Variants in CREBBP observed in about 807,000 individuals in gnomAD.
The protein encoded by CREBBP is CREB-binding protein.
CREBBP carries 19 observed loss-of-function variants against 265.0 expected under a neutral mutation model. The observed-to-expected ratio is 0.07, with a 90% CI of 0.05 to 0.11. The LOEUF (loss-of-function observed/expected upper bound fraction) is 0.11, where lower values mean the gene tolerates loss of function less well. Ranked by LOEUF, CREBBP falls within the 10% of genes least tolerant of loss-of-function variation. The pLI is 1.00. For missense variants in CREBBP, 2,525 were observed against 3,219.0 expected, an observed-to-expected ratio of 0.78 and a Z score of 5.22; for synonymous variants, 1,457 against 1,223.7, an observed-to-expected ratio of 1.19 and a Z score of -3.98.
chr16:3,780,229 G>A (rs1484947611), intron 8 of CREBBP, among the ~76,000 whole-genome samples: 1 of 137,800 alleles, frequency 7.3e-6, no homozygotes, highest in Non-Finnish European at 1.5e-5. Flanking sequence ...GCAACAGAGC[G>A]AGACTCTGTC....
chr16:3,873,008 A>C (rs2055331878), intron 1 of CREBBP, among the ~76,000 whole-genome samples: 1 of 152,244 alleles, frequency 6.6e-6, no homozygotes, highest in Non-Finnish European at 1.5e-5. Context: ...TTCTGGTTCC[A>C]GAGTTTTTGC....
chr16:3,757,521 A>G (rs1472798717), intron 18 of CREBBP, 145 bp from the exon 19 acceptor site: 5 of 878,814 alleles, frequency 5.7e-6, no homozygotes, highest in Non-Finnish European at 9.1e-6. Flanking sequence ...CTTTAAAGAC[A>G]TTTTGGGATA....
At chr16:3,848,899 G>A (rs1035501702) in intron 2 of CREBBP, among the ~76,000 whole-genome samples, 11 of 152,056 alleles carry the variant, frequency 7.2e-5, no homozygotes, top group Non-Finnish European at 4.4e-5. Context: ...AAAGACAAAT[G>A]CAATTTAAAC....
intron 2 of CREBBP, among the ~76,000 whole-genome samples, chr16:3,826,448 T>C (rs919715595): frequency 2.0e-5 from 3 of 151,930 alleles, no homozygotes; most frequent in Non-Finnish European, 2.9e-5. Flanking sequence ...AGCATTACAG[T>C]GGAGAAACCT....
intron 9 of CREBBP, 95 bp downstream of exon 9, chr16:3,778,605 A>G: frequency 9.2e-7 from 1 of 1,089,416 alleles, no homozygotes; most frequent in Non-Finnish European, 1.4e-6. Context: ...TCCCAACTAC[A>G]TAGATTCCAC....
intron 1 of CREBBP, among the ~76,000 whole-genome samples, chr16:3,853,030 T>C (rs981325933): frequency 6.6e-6 from 1 of 151,518 alleles, no homozygotes; most frequent in Non-Finnish European, 1.5e-5. Flanking sequence ...ACAGACTCTA[T>C]ACTGGGGCTG....
intron 26 of CREBBP, 80 bp from the exon 27 acceptor site, chr16:3,736,895 AAGGACTAAAGCC>A: frequency 6.5e-7 from 1 of 1,542,424 alleles, no homozygotes; most frequent in South Asian, 1.1e-5. Context: ...GCAGAGGAGC[AAGGACTAAAGCC>A]AGGACAGAAG....
chr16:3,767,299 C>A (rs570701307), intron 16 of CREBBP: 62 of 197,124 alleles, frequency 3.1e-4, no homozygotes, highest in African/African-American at 1.4e-3. Flanking sequence ...GCCTCCAAGT[C>A]ACCCTGTGCT....
rs1567309981 is a variant in CREBBP at position 3,783,014 on chromosome 16, A to C, written c.1331-88T>G. 12 of 1,515,424 alleles carry C rather than the reference A, an allele frequency of 7.9e-6. No homozygotes were observed. In the South Asian group the frequency reaches 1.0e-4, roughly 13 times the overall value. The allele number at this position is 1,515,424 out of a possible 1,614,324, so 93.9% of individuals were successfully genotyped here. On this transcript the variant is annotated intron_variant, in intron 5 of 30. Transcript: ENST00000262367. ...ATGATTTAAAAACTATTGAGAAGCA[A>C]ATACATTTCATCAAAATACTACACA...
chr16:3,739,890 G>A lies in CREBBP; in HGVS notation c.4134-166C>T, dbSNP rs368903686. On this transcript the variant is annotated intron_variant, in intron 24 of 30. Transcript: ENST00000262367. ...TCCCTATGGGCCAGTCAGCCCCGGAGCAGGGAGCACTTGCTTTCTGACCAG... is the reference window on the plus strand; with the variant it reads ...TCCCTATGGGCCAGTCAGCCCCGGAACAGGGAGCACTTGCTTTCTGACCAG... Among the ~76,000 whole-genome samples, 14 of 152,354 alleles carry A rather than the reference G, an allele frequency of 9.2e-5. No individual in the cohort carries two copies. The East Asian group carries it at 2.3e-3, about 25-fold the overall frequency.
chr16:3,729,815 C>T lies in CREBBP; in HGVS notation c.5232G>A (p.Lys1744=), dbSNP rs1567263707. The T allele has an allele frequency of 3.1e-6, 5 of 1,605,518 alleles. No individual in the cohort carries two copies. In the Middle Eastern group the frequency reaches 5.0e-4, roughly 159 times the overall value. Residue 1744 remains lysine (K), a synonymous_variant, in exon 31 of 31, where the codon AAG becomes AAA. Coordinates refer to ENST00000262367, the MANE Select transcript of CREBBP (RefSeq NM_004380.3). ...CCTCGTCATCCAGGCCCAGCCCCCA[C>T]TTCACCATCTTATGGGCATGGCTCT... ...NTKSHAHKMV[K]WGLGLDDEGS...
chr16:3,810,490 T>C (rs2053916579), intron 3 of CREBBP, 113 bp downstream of exon 3: 1 of 1,282,626 alleles, frequency 7.8e-7, no homozygotes, highest in Non-Finnish European at 1.1e-6. Context: ...GTTCTCTTCC[T>C]ATCACCTACT....
At chr16:3,778,613 C>T in intron 9 of CREBBP, 87 bp downstream of exon 9, 3 of 1,132,364 alleles carry the variant, frequency 2.6e-6, no homozygotes, top group African/African-American at 1.5e-5. Flanking sequence ...ACATAGATTC[C>T]ACTATTTCCA....
chr16:3,737,873 C>T (rs11860724), intron 26 of CREBBP, among the ~76,000 whole-genome samples: 2,717 of 151,894 alleles, frequency 0.018, 83 homozygotes, highest in African/African-American at 0.063. Context: ...TGCAACCCCC[C>T]GCCTCCTGGA....
Position 3,777,532 on chromosome 16 carries a change from C to T in CREBBP, c.2158+81G>A, listed in dbSNP as rs73501781. 11,355 of 1,410,028 alleles carry T rather than the reference C, an allele frequency of 8.1e-3. 666 individuals are homozygous for T. In the African/African-American group the frequency reaches 0.13, roughly 16 times the overall value. The allele number at this position is 1,410,028 out of a possible 1,614,324, so 87.3% of individuals were successfully genotyped here. On this transcript the variant is annotated intron_variant, in intron 11 of 30. Transcript: ENST00000262367. ...GAAGAAAGGGTTAGAAAGAAATATA[C>T]AGGGGGAGAGGAAAAAACAGTGAAA...
At chr16:3,806,169 T>G (rs2053826341) in intron 3 of CREBBP, among the ~76,000 whole-genome samples, 1 of 151,998 alleles carries the variant, frequency 6.6e-6, no homozygotes, top group Non-Finnish European at 1.5e-5. Context: ...GGCTTGCCGC[T>G]CAGGTGCTAC....
In CREBBP at chr16:3,726,349, A is replaced by C. The variant is rs1185082965; in HGVS notation, c.*1369T>G. The C allele has an allele frequency of 4.3e-6, 1 of 233,120 alleles. No individual in the cohort carries two copies. The highest frequency in any genetic ancestry group is 8.5e-6 in the Non-Finnish European group (1 of 118,088). The allele number at this position is 233,120 out of a possible 1,614,324, so 14.4% of individuals were successfully genotyped here. A position where few individuals can be genotyped will look rare whatever the true frequency, so the allele number is the denominator to read the frequency against. On this transcript the variant is annotated 3_prime_UTR_variant, in exon 31 of 31. Transcript: ENST00000262367. ...GCCAAATGCAGTTTCAGACCAACTG[A>C]CGACCCTAACTGTGTGAGCGACAAT...
In CREBBP at chr16:3,779,944, T is replaced by TCAA. The variant is rs749617612; in HGVS notation, c.1823+785_1823+787dup. ...CCTGGCAAGACTCCGTCTCTCTCTC[T>TCAA]CAACAACAACAACAACAAAAAGGCC... On this transcript the variant is annotated intron_variant, in intron 8 of 30. Transcript: ENST00000262367. Among the ~76,000 whole-genome samples, 15 of 151,358 alleles carry TCAA rather than the reference T, an allele frequency of 9.9e-5. No individual in the cohort carries two copies. In the South Asian group the frequency reaches 1.0e-3, roughly 11 times the overall value.
chr16:3,745,379 T>C (rs1309457080), intron 21 of CREBBP, 25 bp from the exon 22 acceptor site: 1 of 1,610,320 alleles, frequency 6.2e-7, no homozygotes, highest in Admixed American at 1.7e-5. Context: ...AGGCGCACTG[T>C]TAAAGCACAC....
Sources: allele counts gnomAD v4.1 joint callset (sites outside exome capture counted in the v4.1 genomes callset), GRCh38; gene constraint gnomAD v4.1.1; transcripts MANE v1.5; gene names NCBI Gene and HGNC (gene_info 2026-07-23, HGNC 2026-07-21).